GALNT18: variants seen among roughly 807,000 people sequenced by gnomAD.
The protein encoded by GALNT18 is polypeptide N-acetylgalactosaminyltransferase 18.
A neutral mutation model predicts 69.5 loss-of-function variants in GALNT18; 44 were observed. The observed-to-expected ratio is 0.63, with a 90% CI of 0.50 to 0.81. GALNT18 has a LOEUF of 0.81. GALNT18 is among the 40% of genes least tolerant of loss of function. GALNT18 has a pLI of 0.00. For missense variants in GALNT18, 715 were observed against 810.0 expected, an observed-to-expected ratio of 0.88 and a Z score of 1.42; for synonymous variants, 364 against 318.2, an observed-to-expected ratio of 1.14 and a Z score of -1.53.
rs1450478582 is a variant in GALNT18, at chr11:11,616,095, T to A, written c.235+5264A>T. ...AAGTGATCCTCCCACCTTGGCCTCC[T>A]AAAGTGCTGGGATTATAGGTATAAG... On this transcript the variant is annotated intron_variant, in intron 1 of 10. Coordinates refer to ENST00000227756, the MANE Select transcript of GALNT18 (RefSeq NM_198516.3). The surrounding 1 kb of genome is among the most constrained non-coding windows in gnomAD (Gnocchi z 4.4). Among the ~76,000 whole-genome samples, 1 of 152,020 alleles carries A rather than the reference T, an allele frequency of 6.6e-6. No homozygotes were observed. The highest frequency in any genetic ancestry group is 1.9e-4 in the East Asian group (1 of 5,184).
chr11:11,450,371 A>G (rs1173901541), intron 1 of GALNT18, among the ~76,000 whole-genome samples: 1 of 152,164 alleles, frequency 6.6e-6, no homozygotes, highest in African/African-American at 2.4e-5. Context: ...ATGCTCTCCT[A>G]AAAGCCCATC....
intron 9 of GALNT18, among the ~76,000 whole-genome samples, chr11:11,297,229 TGA>T (rs975827744): frequency 6.6e-6 from 1 of 152,134 alleles, no homozygotes; most frequent in African/African-American, 2.4e-5. Flanking sequence ...GTGCCGCTGT[TGA>T]GATACCCCAA....
intron 1 of GALNT18, among the ~76,000 whole-genome samples, chr11:11,485,311 C>T (rs1019361857): frequency 3.1e-4 from 47 of 152,316 alleles, no homozygotes; most frequent in Admixed American, 2.6e-4. Context: ...GGTTACCTAT[C>T]CTTTTGATGA....
chr11:11,362,217 T>C (rs1000740430), intron 6 of GALNT18, among the ~76,000 whole-genome samples: 1 of 152,098 alleles, frequency 6.6e-6, no homozygotes, highest in East Asian at 1.9e-4. Context: ...AATATAGTCA[T>C]GTAAGTATTA....
intron 10 of GALNT18, among the ~76,000 whole-genome samples, chr11:11,290,207 G>A (rs760212723): frequency 6.6e-6 from 1 of 152,232 alleles, no homozygotes; most frequent in African/African-American, 2.4e-5. Flanking sequence ...CCTGTGCTAA[G>A]AGGAGACTTT....
chr11:11,281,372 T>C (rs979160768), intron 10 of GALNT18, among the ~76,000 whole-genome samples: 2 of 152,202 alleles, frequency 1.3e-5, no homozygotes, highest in Non-Finnish European at 2.9e-5. Flanking sequence ...AATCCGTTTA[T>C]CAGCTATAAA....
chr11:11,620,135 C>CG lies in GALNT18; in HGVS notation c.235+1223dup, dbSNP rs996626300. 2.2e-4 allele frequency among the ~76,000 whole-genome samples: 14 copies of CG among 64,978 alleles called. No homozygotes were observed. Among genetic ancestry groups the CG allele is most frequent in the African/African-American group, 4.7e-4 (8 of 16,846 alleles). The allele number at this position is 64,978 out of a possible 152,430, so 42.6% of individuals were successfully genotyped here. On this transcript the variant is annotated intron_variant, in intron 1 of 10. Coordinates refer to ENST00000227756, the MANE Select transcript of GALNT18 (RefSeq NM_198516.3). This position sits in a 1 kb window ranked among gnomAD's most constrained non-coding sequence, Gnocchi z 6.9. Reference sequence around the variant, plus strand: ...TGTAAACAAAAGGGAGTGCTCCTGGCGGGGGGGTGGGGGGTAAGCCTTCAG... The same window carrying CG: ...TGTAAACAAAAGGGAGTGCTCCTGGCGGGGGGGGTGGGGGGTAAGCCTTCAG...
chr11:11,556,209 G>A (rs1459170086), intron 1 of GALNT18, among the ~76,000 whole-genome samples: 1 of 152,318 alleles, frequency 6.6e-6, no homozygotes, highest in East Asian at 1.9e-4. Context: ...AGGAGCGAAG[G>A]TCAAACTCTA....
chr11:11,584,938 A>G lies in GALNT18; in HGVS notation c.235+36421T>C, dbSNP rs1024735081. The stretch of plus-strand genomic sequence containing the variant: ...ATCCAAGCTTTTAAGGAAAATTTAT[A>G]ATTATGGAAAACTTGCCTCCACCAC... On this transcript the variant is annotated intron_variant, in intron 1 of 10. Transcript: ENST00000227756. The surrounding 1 kb of genome is among the most constrained non-coding windows in gnomAD (Gnocchi z 4.1). 6.6e-5 allele frequency among the ~76,000 whole-genome samples: 10 copies of G among 152,236 alleles called. No homozygotes were observed. The highest frequency in any genetic ancestry group is 4.6e-4 in the Admixed American group (7 of 15,290).
intron 1 of GALNT18, among the ~76,000 whole-genome samples, chr11:11,530,488 G>A (rs1190695003): frequency 6.6e-6 from 1 of 152,196 alleles, no homozygotes; most frequent in Non-Finnish European, 1.5e-5. Context: ...AGGCCCGTGA[G>A]CTTTGTGATC....
At chr11:11,369,362 G>T (rs972436533) in intron 6 of GALNT18, among the ~76,000 whole-genome samples, 4 of 152,158 alleles carry the variant, frequency 2.6e-5, no homozygotes, top group Non-Finnish European at 5.9e-5. Flanking sequence ...ATAGCCCCAG[G>T]TGTTCCTGAG....
chr11:11,539,592 G>A (rs757745042), intron 1 of GALNT18, among the ~76,000 whole-genome samples: 8 of 152,240 alleles, frequency 5.3e-5, no homozygotes, highest in East Asian at 1.9e-4. Flanking sequence ...ATGAAAGAGC[G>A]AAACAATCAT....
chr11:11,503,758 T>C (rs182909055), intron 1 of GALNT18, among the ~76,000 whole-genome samples: 3 of 152,364 alleles, frequency 2.0e-5, no homozygotes, highest in East Asian at 1.9e-4. Context: ...TCAGGCATCA[T>C]CTTTTTTCCC....
intron 6 of GALNT18, chr11:11,352,609 G>C (rs764193649): frequency 7.4e-6 from 12 of 1,614,056 alleles, no homozygotes; most frequent in African/African-American, 1.3e-5. Flanking sequence ...ATTAGTCGTA[G>C]CTTTCTGTGC....
At chr11:11,495,312 T>C (rs1244799787) in intron 1 of GALNT18, among the ~76,000 whole-genome samples, 1 of 152,188 alleles carries the variant, frequency 6.6e-6, no homozygotes, top group Non-Finnish European at 1.5e-5. Context: ...AAGGTACTTC[T>C]CAGAGCCTTC....
chr11:11,544,522 G>A (rs1414079035), intron 1 of GALNT18, among the ~76,000 whole-genome samples: 3 of 152,292 alleles, frequency 2.0e-5, no homozygotes, highest in East Asian at 1.9e-4. Context: ...CATGACTCCT[G>A]CTCTTAAAAA....
intron 10 of GALNT18, among the ~76,000 whole-genome samples, chr11:11,291,943 C>G (rs1263851350): frequency 2.6e-5 from 4 of 152,220 alleles, no homozygotes; most frequent in African/African-American, 9.6e-5. Flanking sequence ...CTTACCATCA[C>G]CCTTGCTACA....
In GALNT18 at chr11:11,616,858, G is replaced by T. The variant is rs930357588; in HGVS notation, c.235+4501C>A. ...TGAAATATGACGGCTAAAAAGATGA[G>T]TGTTGTTTCTAAGAAAATTACTTTA... On this transcript the variant is annotated intron_variant, in intron 1 of 10. Coordinates refer to ENST00000227756, the MANE Select transcript of GALNT18 (RefSeq NM_198516.3). The surrounding 1 kb of genome is among the most constrained non-coding windows in gnomAD (Gnocchi z 4.4). Among the ~76,000 whole-genome samples the T allele has an allele frequency of 5.3e-5, 8 of 152,234 alleles. No homozygotes were observed. Among genetic ancestry groups the T allele is most frequent in the Non-Finnish European group, 7.3e-5 (5 of 68,052 alleles).
At chr11:11,307,137 C>T (rs1849592809) in intron 9 of GALNT18, among the ~76,000 whole-genome samples, 1 of 151,360 alleles carries the variant, frequency 6.6e-6, no homozygotes, top group Non-Finnish European at 1.5e-5. Flanking sequence ...AAGATAAGGC[C>T]AGTCTAGCCT....
Sources: allele counts gnomAD v4.1 joint callset (sites outside exome capture counted in the v4.1 genomes callset), GRCh38; gene constraint gnomAD v4.1.1; non-coding constraint Gnocchi (gnomAD v3.1); transcripts MANE v1.5; gene names NCBI Gene and HGNC (gene_info 2026-07-23, HGNC 2026-07-21).